Variants in HSPB8 observed in about 807,000 individuals in gnomAD.
HSPB8 encodes the protein heat shock protein family B (small) member 8.
Under a neutral mutation model 16.5 loss-of-function variants are expected in HSPB8, and 9 were observed. That is an observed-to-expected ratio of 0.55 (90% CI 0.33 to 0.95). The LOEUF (loss-of-function observed/expected upper bound fraction) is 0.95, where lower values mean the gene tolerates loss of function less well. HSPB8 is among the 40% of genes least tolerant of loss of function. HSPB8 has a pLI of 0.03. For missense variants in HSPB8, 238 were observed against 251.2 expected, an observed-to-expected ratio of 0.95 and a Z score of 0.35; for synonymous variants, 99 against 94.8, an observed-to-expected ratio of 1.04 and a Z score of -0.26.
Position 119,194,343 on chromosome 12 carries a change from G to A in HSPB8, c.*485G>A, listed in dbSNP as rs1338330450. 4.1e-6 allele frequency: 1 copy of A among 246,468 alleles called. No individual in the cohort carries two copies. Among genetic ancestry groups the A allele is most frequent in the African/African-American group, 2.3e-5 (1 of 44,100 alleles). 15.3% of individuals were successfully genotyped at this position (246,468 alleles called of 1,614,324 possible). ...CTTCCACATGCCTGGCCTAAAATGG[G>A]TGATATACAGGTCTTATATCCCCAT... On this transcript the variant is annotated 3_prime_UTR_variant, in exon 3 of 3. Transcript: ENST00000281938.
At chr12:119,188,879 T>C (rs1329566996) in intron 2 of HSPB8, among the ~76,000 whole-genome samples, 1 of 152,214 alleles carries the variant, frequency 6.6e-6, no homozygotes, top group Non-Finnish European at 1.5e-5. Flanking sequence ...ACTATTGTTA[T>C]TGTTGACTCT....
chr12:119,179,920 T>C (rs1300987916), intron 1 of HSPB8, among the ~76,000 whole-genome samples: 3 of 152,166 alleles, frequency 2.0e-5, no homozygotes, highest in East Asian at 3.8e-4. Flanking sequence ...TCAATCATGG[T>C]ACAGACAGGA....
chr12:119,187,483 T>C (rs1254607204), intron 2 of HSPB8, among the ~76,000 whole-genome samples: 4 of 151,930 alleles, frequency 2.6e-5, no homozygotes, highest in Admixed American at 6.6e-5. Context: ...GCCTCCTGAG[T>C]AGTTGGGATT....
intron 2 of HSPB8, among the ~76,000 whole-genome samples, chr12:119,189,292 T>C (rs536359488): frequency 7.0e-6 from 1 of 142,334 alleles, no homozygotes; most frequent in African/African-American, 2.7e-5. Context: ...GAATTAATCA[T>C]CTTAAAAGGG....
chr12:119,189,204 T>C (rs865910998), intron 2 of HSPB8, among the ~76,000 whole-genome samples: 3 of 152,012 alleles, frequency 2.0e-5, no homozygotes, highest in Admixed American at 1.3e-4. Flanking sequence ...GGGAAGCTGA[T>C]GTCAAGGCTC....
chr12:119,186,924 C>G, intron 1 of HSPB8, 101 bp from the exon 2 acceptor site: 1 of 1,117,924 alleles, frequency 8.9e-7, no homozygotes, highest in South Asian at 1.2e-5. Flanking sequence ...CTAAGTCACA[C>G]AGCAAGGCAG....
At chr12:119,190,316 C>A (rs879573776) in intron 2 of HSPB8, among the ~76,000 whole-genome samples, 2 of 152,188 alleles carry the variant, frequency 1.3e-5, no homozygotes, top group Non-Finnish European at 2.9e-5. Flanking sequence ...CCTCCTCTCC[C>A]AGGGAAAACT....
At chr12:119,192,775 G>T (rs1022967576) in intron 2 of HSPB8, among the ~76,000 whole-genome samples, 6 of 152,154 alleles carry the variant, frequency 3.9e-5, no homozygotes, top group African/African-American at 9.7e-5. Context: ...ATGAAAAAAA[G>T]AGTTTTAATG....
At chr12:119,190,428 G>A (rs550731037) in intron 2 of HSPB8, among the ~76,000 whole-genome samples, 1 of 152,336 alleles carries the variant, frequency 6.6e-6, no homozygotes, top group South Asian at 2.1e-4. Context: ...CCATGGCAAG[G>A]AAATTCATCT....
At chr12:119,185,875 T>TA in intron 1 of HSPB8, among the ~76,000 whole-genome samples, 1 of 152,246 alleles carries the variant, frequency 6.6e-6, no homozygotes, top group Non-Finnish European at 1.5e-5. Context: ...GTTGTCAGTT[T>TA]AAAAAAATCT....
chr12:119,189,973 A>G (rs570120638), intron 2 of HSPB8, among the ~76,000 whole-genome samples: 2 of 152,194 alleles, frequency 1.3e-5, no homozygotes, highest in African/African-American at 4.8e-5. Context: ...AATATTTTGA[A>G]TCTCAGCTCC....
At chr12:119,191,766 A>G (rs1300080389) in intron 2 of HSPB8, among the ~76,000 whole-genome samples, 1 of 152,142 alleles carries the variant, frequency 6.6e-6, no homozygotes, top group Non-Finnish European at 1.5e-5. Flanking sequence ...TTCCTGCCAT[A>G]GTCCTTCTTT....
At chr12:119,180,587 A>G (rs1361267578) in intron 1 of HSPB8, among the ~76,000 whole-genome samples, 17 of 152,156 alleles carry the variant, frequency 1.1e-4, no homozygotes, top group Admixed American at 3.3e-4. Context: ...GACTGGGCCT[A>G]TGCACAGCTT....
chr12:119,192,874 A>C (rs910244366), intron 2 of HSPB8, among the ~76,000 whole-genome samples: 5 of 152,128 alleles, frequency 3.3e-5, no homozygotes, highest in African/African-American at 1.2e-4. Context: ...AAGAGAGAAA[A>C]TGAGAACCAA....
Position 119,188,018 on chromosome 12 carries a change from G to T in HSPB8, c.431+930G>T, listed in dbSNP as rs116138071. ...CATGTTTAACAGGGAAAGGGAGCCT[G>T]GGGGAACCGTGAGAGCAGCCAAGGA... is the stretch of plus-strand genomic sequence containing the variant. On this transcript the variant is annotated intron_variant, in intron 2 of 2. Coordinates refer to ENST00000281938, the MANE Select transcript of HSPB8 (RefSeq NM_014365.3). Among the ~76,000 whole-genome samples, 206 of 152,286 alleles carry T rather than the reference G, an allele frequency of 1.4e-3. 2 individuals carry two copies. Among genetic ancestry groups the T allele is most frequent in the African/African-American group, 4.7e-3 (195 of 41,564 alleles).
At chr12:119,180,814 T>A (rs1592927994) in intron 1 of HSPB8, among the ~76,000 whole-genome samples, 1 of 152,258 alleles carries the variant, frequency 6.6e-6, no homozygotes, top group South Asian at 2.1e-4. Context: ...AAACACAGGC[T>A]GGGCAGGAAC....
rs1954624659 is a variant in HSPB8, at chr12:119,179,683, A to T, written c.367+4A>T. 1 of 1,571,282 alleles carries T rather than the reference A, an allele frequency of 6.4e-7. No homozygotes were observed. The highest frequency in any genetic ancestry group is 1.9e-5 in the Admixed American group (1 of 53,768). ...GATGGATACGTGGAGGTGTCTGGTA[A>T]GTCAGGGGCAGGAGGGAGAGAGAAT... is the stretch of plus-strand genomic sequence containing the variant. On this transcript the variant is annotated splice_donor_region_variant and intron_variant, in intron 1 of 2. Transcript: ENST00000281938.
At chr12:119,187,715 CA>C (rs1392162426) in intron 2 of HSPB8, among the ~76,000 whole-genome samples, 1 of 152,152 alleles carries the variant, frequency 6.6e-6, no homozygotes, top group Non-Finnish European at 1.5e-5. Flanking sequence ...GACTTGTCCA[CA>C]ATCACACAGC....
At chr12:119,182,963 C>T (rs868560352) in intron 1 of HSPB8, 3 of 152,242 alleles carry the variant, frequency 2.0e-5, no homozygotes, top group Admixed American at 1.3e-4. Flanking sequence ...GGATCTACTT[C>T]TGGCGGTGTG....
Sources: allele counts gnomAD v4.1 joint callset (sites outside exome capture counted in the v4.1 genomes callset), GRCh38; gene constraint gnomAD v4.1.1; transcripts MANE v1.5; gene names NCBI Gene and HGNC (gene_info 2026-07-23, HGNC 2026-07-21).